Variants in KIF9 observed in about 807,000 individuals in gnomAD.
KIF9 encodes kinesin family member 9.
Under a neutral mutation model 94.8 loss-of-function variants are expected in KIF9, and 68 were observed. That is an observed-to-expected ratio of 0.72 (90% confidence interval 0.59 to 0.88). KIF9 has a LOEUF of 0.88. Among genes scored for constraint, KIF9 ranks in the 40% least tolerant of loss-of-function variants. KIF9 has a pLI of 0.00. For missense variants in KIF9, 882 were observed against 982.5 expected (o/e 0.90, Z 1.37); for synonymous variants, 343 against 362.1 (o/e 0.95, Z 0.60).
chr3:47,250,035 C>T (rs930202954), intron 10 of KIF9, among the ~76,000 whole-genome samples: 3 of 151,254 alleles, frequency 2.0e-5, no homozygotes, highest in African/African-American at 4.9e-5. Flanking sequence ...AGCAATAGAG[C>T]GAGTCACTGT....
chr3:47,260,527 G>A (rs1700900264), intron 9 of KIF9, among the ~76,000 whole-genome samples: 1 of 152,218 alleles, frequency 6.6e-6, no homozygotes, highest in Non-Finnish European at 1.5e-5. Flanking sequence ...AGTTATGATA[G>A]GGCCAACCCT....
At chr3:47,265,008 G>A (rs1287705750) in intron 8 of KIF9, among the ~76,000 whole-genome samples, 1 of 152,196 alleles carries the variant, frequency 6.6e-6, no homozygotes, top group East Asian at 1.9e-4. Context: ...CTTGAATCTT[G>A]AACCTTCCAG....
intron 12 of KIF9, among the ~76,000 whole-genome samples, 193 bp downstream of exon 12, chr3:47,247,180 C>A (rs1699979078): frequency 6.6e-6 from 1 of 152,180 alleles, no homozygotes; most frequent in Admixed American, 6.5e-5. Flanking sequence ...TCCTAGAAAG[C>A]CTGGCTCTAG....
chr3:47,230,147 T>C (rs1282737668), intron 20 of KIF9, among the ~76,000 whole-genome samples: 1 of 152,178 alleles, frequency 6.6e-6, no homozygotes, highest in African/African-American at 2.4e-5. Context: ...GCACAGGGGC[T>C]CACGCCCATG....
rs1482656494 is a variant in KIF9, at chr3:47,264,793, G to A, written c.917-443C>T. Among the ~76,000 whole-genome samples, 4 of 152,220 alleles carry A rather than the reference G, an allele frequency of 2.6e-5. No homozygotes were observed. In the East Asian group the frequency reaches 5.8e-4, roughly 22 times the overall value. On this transcript the variant is annotated intron_variant, in intron 8 of 20. Coordinates refer to ENST00000684063, the MANE Select transcript of KIF9 (RefSeq NM_182902.4). ...CATATGTTGAAGTTGTAACCCCGAC[G>A]TGATGGCATCTGGATGGAGGACTTG... is the stretch of plus-strand genomic sequence containing the variant.
chr3:47,259,416 C>T (rs945884000), intron 9 of KIF9, among the ~76,000 whole-genome samples: 1 of 152,232 alleles, frequency 6.6e-6, no homozygotes, highest in African/African-American at 2.4e-5. Flanking sequence ...TTCAGCAAGG[C>T]TTATGGCTAT....
chr3:47,257,091 A>G (rs1316641869), intron 10 of KIF9, among the ~76,000 whole-genome samples: 2 of 152,212 alleles, frequency 1.3e-5, no homozygotes, highest in Admixed American at 6.6e-5. Flanking sequence ...CTATGGTCCT[A>G]TGACCCTGCC....
In KIF9 at chr3:47,248,015, T is replaced by TA; in HGVS notation, c.1128+2dup. 6.2e-7 allele frequency: 1 copy of TA among 1,611,844 alleles called. No homozygotes were observed. The highest frequency in any genetic ancestry group is 8.5e-7 in the Non-Finnish European group (1 of 1,178,060). On this transcript the variant is annotated splice_region_variant and intron_variant, in intron 11 of 20. Transcript: ENST00000684063. ...CCCTCCTTCTTTGCCTCTAGCCTCTTACCAGGCTGTCATGGATAGCCAGCT... is the reference window on the plus strand; with the variant it reads ...CCCTCCTTCTTTGCCTCTAGCCTCTTAACCAGGCTGTCATGGATAGCCAGCT...
At chr3:47,246,695 G>C (rs1473624201) in intron 12 of KIF9, 1 of 152,344 alleles carries the variant, frequency 6.6e-6, no homozygotes, top group African/African-American at 2.4e-5. Context: ...AAGGTTACTG[G>C]CCTCCCCCCA....
At position 47,270,258 on chromosome 3, in the gene KIF9, C is replaced by CT. The variant is rs1245982298; in HGVS notation, c.591+978dup. The stretch of plus-strand genomic sequence containing the variant: ...ATTCTTATTTTTCTCTTTTTCTTTT[C>CT]TTTTTTTTTTTTGAGAAGGAGTTTT... On this transcript the variant is annotated intron_variant, in intron 5 of 20. Transcript: ENST00000684063. Among the ~76,000 whole-genome samples the CT allele has an allele frequency of 6.3e-3, 902 of 142,708 alleles. 7 individuals carry two copies. The highest frequency in any genetic ancestry group is 0.015 in the African/African-American group (593 of 39,092). The allele number at this position is 142,708 out of a possible 152,430, so 93.6% of individuals were successfully genotyped here. A position where few individuals can be genotyped will look rare whatever the true frequency, so the allele number is the denominator to read the frequency against.
intron 7 of KIF9, chr3:47,266,122 A>G: frequency 4.7e-6 from 2 of 429,508 alleles, no homozygotes; most frequent in Non-Finnish European, 8.5e-6. Context: ...GTGAATGCTT[A>G]CATGAATATT....
chr3:47,246,066 G>GC (rs1432816434), intron 13 of KIF9, 131 bp downstream of exon 13: 1 of 694,486 alleles, frequency 1.4e-6, no homozygotes, highest in African/African-American at 1.8e-5. Context: ...ACCCAGGCAT[G>GC]CCCCCAAGGA....
intron 9 of KIF9, among the ~76,000 whole-genome samples, chr3:47,261,864 G>C (rs771704111): frequency 1.3e-5 from 2 of 152,210 alleles, no homozygotes; most frequent in African/African-American, 4.8e-5. Flanking sequence ...ACAGCCGCAA[G>C]TATGGCCATG....
rs1056893333 is a variant in KIF9, at chr3:47,264,344, T to A, written c.923A>T (p.Asn308Ile). The A allele has an allele frequency of 6.2e-7, 1 of 1,613,432 alleles. No individual in the cohort carries two copies. Among genetic ancestry groups the A allele is most frequent in the East Asian group, 2.2e-5 (1 of 44,876 alleles). ...GTTTGTCACGAGGACCATATTGCAG[T>A]TTCCCCCTGCGGAAAGCAAGACACA... The part of the protein sequence containing the change: ...THALKDSLGG[N>I]CNMVLVTNIY... Residue 308 changes from asparagine (N) to isoleucine (I), a missense_variant, in exon 9 of 21, where the codon AAC becomes ATC. Physicochemically the swap from Asn to Ile is moderately radical, Grantham distance 149 (BLOSUM62 -3). Transcript: ENST00000684063.
intron 11 of KIF9, among the ~76,000 whole-genome samples, chr3:47,247,799 G>A (rs1440439925): frequency 1.3e-5 from 2 of 152,192 alleles, no homozygotes; most frequent in Non-Finnish European, 2.9e-5. Flanking sequence ...GGCATGCGCT[G>A]CCTCTGCCTC....
intron 1 of KIF9, among the ~76,000 whole-genome samples, chr3:47,279,501 T>C (rs1049876472): frequency 2.0e-5 from 3 of 151,926 alleles, no homozygotes; most frequent in Admixed American, 2.0e-4. Flanking sequence ...TCAAAAAATC[T>C]AAGTAACTTT....
chr3:47,279,621 T>A (rs1001400338), intron 1 of KIF9, among the ~76,000 whole-genome samples: 9 of 151,714 alleles, frequency 5.9e-5, no homozygotes, highest in Admixed American at 3.3e-4. Flanking sequence ...TATTTTATTT[T>A]ATTTTTTTTT....
chr3:47,229,884 C>T (rs1048181334), intron 20 of KIF9, among the ~76,000 whole-genome samples: 6 of 152,006 alleles, frequency 3.9e-5, no homozygotes, highest in African/African-American at 1.4e-4. Flanking sequence ...CACGTGTGCA[C>T]CACCATCCCC....
intron 19 of KIF9, 95 bp from the exon 20 acceptor site, chr3:47,235,712 C>G: frequency 5.3e-6 from 5 of 947,252 alleles, no homozygotes; most frequent in Non-Finnish European, 8.4e-6. Flanking sequence ...TGGGTTTGTG[C>G]CACACACCGC....
Sources: gnomAD v4.1 joint callset for allele counts (sites outside exome capture counted in the v4.1 genomes callset) on GRCh38, gnomAD v4.1.1 for gene constraint, MANE v1.5 for transcripts, NCBI Gene and HGNC (gene_info 2026-07-23, HGNC 2026-07-21) for gene names.